Variants in TFIP11 observed in about 807,000 individuals in gnomAD.
The protein encoded by TFIP11 is tuftelin-interacting protein 11.
TFIP11 carries 86 observed loss-of-function variants against 96.8 expected under a neutral mutation model. The observed-to-expected ratio is 0.89, with a 90% CI of 0.75 to 1.06. The LOEUF (loss-of-function observed/expected upper bound fraction) is 1.06. Among genes scored for constraint, TFIP11 ranks in the 50% least tolerant of loss-of-function variants. The probability of loss-of-function intolerance (pLI) is 0.00; values close to 1 mark genes in which losing one functional copy is unlikely to be tolerated. For missense variants in TFIP11, 881 were observed against 1,076.7 expected, an observed-to-expected ratio of 0.82 and a Z score of 2.54; for synonymous variants, 405 against 395.2, an observed-to-expected ratio of 1.02 and a Z score of -0.29.
At chr22:26,510,542 C>T (rs1923931072) in intron 3 of TFIP11, 75 bp downstream of exon 3, 1 of 433,788 alleles carries the variant, frequency 2.3e-6, no homozygotes, top group Non-Finnish European at 4.2e-6. Flanking sequence ...TAGTCAATAT[C>T]ATAAATATCA....
intron 8 of TFIP11, among the ~76,000 whole-genome samples, chr22:26,501,212 C>T (rs1922744999): frequency 6.6e-6 from 1 of 152,048 alleles, no homozygotes; most frequent in African/African-American, 2.4e-5. Flanking sequence ...ACTACATGGA[C>T]GTAACAGTGG....
At chr22:26,509,044 C>G (rs1365578215) in intron 4 of TFIP11, among the ~76,000 whole-genome samples, 4 of 152,124 alleles carry the variant, frequency 2.6e-5, no homozygotes, top group Non-Finnish European at 5.9e-5. Context: ...TAGACCAGTC[C>G]TCCACTACCT....
At chr22:26,503,551 G>T in intron 7 of TFIP11, 115 bp downstream of exon 7, 1 of 1,329,624 alleles carries the variant, frequency 7.5e-7, no homozygotes, top group Non-Finnish European at 1.0e-6. Flanking sequence ...CCCAGTACCT[G>T]GCATACGGTA....
intron 4 of TFIP11, among the ~76,000 whole-genome samples, chr22:26,508,577 T>C (rs1382066837): frequency 6.6e-6 from 1 of 152,150 alleles, no homozygotes; most frequent in Non-Finnish European, 1.5e-5. Flanking sequence ...CATTCTCAGC[T>C]GGGTGTGGTG....
chr22:26,494,022 G>A lies in TFIP11; in HGVS notation c.2158+117C>T, dbSNP rs375844287. 7.6e-6 allele frequency: 9 copies of A among 1,191,182 alleles called. No homozygotes were observed. In the East Asian group the frequency reaches 2.2e-4, roughly 29 times the overall value. The allele number at this position is 1,191,182 out of a possible 1,614,324, so 73.8% of individuals were successfully genotyped here. A position where few individuals can be genotyped will look rare whatever the true frequency, so the allele number is the denominator to read the frequency against. On this transcript the variant is annotated intron_variant, in intron 14 of 14. Coordinates refer to ENST00000407690, the MANE Select transcript of TFIP11 (RefSeq NM_012143.4). ...TGAGAGTCTGTTGCTATGTGCAAAA[G>A]TGTGACCTAAGGTTTAGGCTGCCTA...
chr22:26,497,946 G>A (rs5752336), intron 10 of TFIP11, among the ~76,000 whole-genome samples: 121,075 of 150,788 alleles, frequency 0.8, 49,687 homozygotes, highest in South Asian at 0.88. Context: ...AGCACAATTC[G>A]CAGTTGCAAA....
At chr22:26,497,759 C>T (rs1922240134) in intron 10 of TFIP11, among the ~76,000 whole-genome samples, 1 of 151,838 alleles carries the variant, frequency 6.6e-6, no homozygotes, top group Admixed American at 6.6e-5. Flanking sequence ...GCCTGTAGTC[C>T]CAGCTACTCG....
At chr22:26,508,663 G>C (rs1266203599) in intron 4 of TFIP11, among the ~76,000 whole-genome samples, 1 of 152,112 alleles carries the variant, frequency 6.6e-6, no homozygotes, top group Admixed American at 6.5e-5. Flanking sequence ...TGGCCAACAT[G>C]GTGAAACCCC....
intron 8 of TFIP11, among the ~76,000 whole-genome samples, chr22:26,500,759 G>A (rs1397869758): frequency 6.6e-6 from 1 of 151,386 alleles, no homozygotes; most frequent in Non-Finnish European, 1.5e-5. Context: ...ATAACAGCAC[G>A]TTTGAGAACC....
At chr22:26,505,131 G>A (rs1411829401) in intron 6 of TFIP11, among the ~76,000 whole-genome samples, 2 of 152,082 alleles carry the variant, frequency 1.3e-5, no homozygotes, top group African/African-American at 4.8e-5. Flanking sequence ...GAATATGTAG[G>A]ATACATTTGA....
Position 26,494,245 on chromosome 22 carries a change from C to G in TFIP11, c.2052G>C (p.Leu684=). Residue 684 remains leucine, a synonymous_variant, in exon 14 of 15, where the codon CTG becomes CTC. Transcript: ENST00000407690. The part of the protein sequence containing the change: ...PNYEEITKWY[L]GWKSMFSDQV... ...GGTCTGAGAACATCGACTTCCAACCCAGGTACCACTTGGTGATCTCCTCAT... is the reference window on the plus strand; with the variant it reads ...GGTCTGAGAACATCGACTTCCAACCGAGGTACCACTTGGTGATCTCCTCAT... The G allele has an allele frequency of 6.2e-7, 1 of 1,614,204 alleles. No homozygotes were observed.
At chr22:26,498,566 A>C in intron 10 of TFIP11, 1 of 208,558 alleles carries the variant, frequency 4.8e-6, no homozygotes, top group Non-Finnish European at 9.4e-6. Context: ...AAAAAAGACT[A>C]CAAATTGGAT....
chr22:26,508,306 T>C (rs896403201), intron 4 of TFIP11, among the ~76,000 whole-genome samples: 1 of 152,210 alleles, frequency 6.6e-6, no homozygotes, highest in African/African-American at 2.4e-5. Context: ...CTCTGCCTAG[T>C]TGTATGACCA....
In TFIP11 at chr22:26,510,128, C is replaced by T; in HGVS notation, c.145G>A (p.Ala49Thr). The T allele has an allele frequency of 6.2e-7, 1 of 1,614,182 alleles. No individual in the cohort carries two copies. Among genetic ancestry groups the T allele is most frequent in the South Asian group, 1.1e-5 (1 of 91,086 alleles). ...RQRHWQTKEE[A>T]TYGVWAERDS... is the part of the protein sequence containing the mutation. ...CGCTCTGCCCACACCCCGTAGGTGG[C>T]TTCTTCCTTGGTCTGCCAGTGGCGC... The change falls in exon 4 of 15, where the codon GCC becomes ACC. Residue 49 changes from alanine to threonine, a missense_variant. Physicochemically the swap from Ala to Thr is moderately conservative, Grantham distance 58. Coordinates refer to ENST00000407690, the MANE Select transcript of TFIP11 (RefSeq NM_012143.4).
intron 12 of TFIP11, among the ~76,000 whole-genome samples, chr22:26,495,548 A>ATG (rs1468636815): frequency 7.7e-6 from 1 of 130,600 alleles, no homozygotes; most frequent in Non-Finnish European, 1.7e-5. Context: ...TAAAATATAT[A>ATG]TGTGTATATA....
chr22:26,510,472 G>A, intron 3 of TFIP11, 145 bp downstream of exon 3: 1 of 590,042 alleles, frequency 1.7e-6, no homozygotes, highest in South Asian at 2.1e-5. Flanking sequence ...ACTAAAACAG[G>A]TGAACAAAAT....
At chr22:26,500,204 C>CT (rs1922599844) in intron 8 of TFIP11, among the ~76,000 whole-genome samples, 1 of 152,238 alleles carries the variant, frequency 6.6e-6, no homozygotes, top group South Asian at 2.1e-4. Context: ...GAATCTCGCT[C>CT]TGTTGCCCAG....
intron 8 of TFIP11, among the ~76,000 whole-genome samples, chr22:26,501,610 C>T (rs1922793076): frequency 6.6e-6 from 1 of 151,302 alleles, no homozygotes; most frequent in South Asian, 2.1e-4. Context: ...GCTCCAGAAA[C>T]ACAGGAACAT....
At chr22:26,492,860 A>G in intron 14 of TFIP11, 1 of 162,326 alleles carries the variant, frequency 6.2e-6, no homozygotes, top group Non-Finnish European at 1.4e-5. Flanking sequence ...TAATACCAAG[A>G]CCATAAATGC....
Sources: allele counts gnomAD v4.1 joint callset (sites outside exome capture counted in the v4.1 genomes callset), GRCh38; gene constraint gnomAD v4.1.1; transcripts MANE v1.5; gene names NCBI Gene and HGNC (gene_info 2026-07-23, HGNC 2026-07-21).